Variants in ATP8B4 observed in about 807,000 individuals in gnomAD.
ATP8B4 encodes the protein ATPase phospholipid transporting 8B4 (putative).
A neutral mutation model predicts 145.6 loss-of-function variants in ATP8B4; 133 were observed. The observed-to-expected ratio is 0.91, with a 90% confidence interval of 0.79 to 1.05. The LOEUF (loss-of-function observed/expected upper bound fraction) is 1.05, where lower values mean the gene tolerates loss of function less well. Among genes scored for constraint, ATP8B4 ranks in the 50% least tolerant of loss-of-function variants. The pLI, the probability that ATP8B4 is intolerant of heterozygous loss-of-function variation, is 0.00. For missense variants in ATP8B4, 1,458 were observed against 1,425.2 expected (o/e 1.02, Z -0.37); for synonymous variants, 507 against 492.9 (o/e 1.03, Z -0.38).
At chr15:50,085,911 TTA>T (rs1436396650) in intron 2 of ATP8B4, among the ~76,000 whole-genome samples, 1 of 92,046 alleles carries the variant, frequency 1.1e-5, no homozygotes. Flanking sequence ...TCATATATAT[TTA>T]TATATGATAT....
chr15:49,912,116 T>A (rs1190423061), intron 20 of ATP8B4, among the ~76,000 whole-genome samples: 1 of 151,918 alleles, frequency 6.6e-6, no homozygotes, highest in Non-Finnish European at 1.5e-5. Context: ...ATGAAATGAC[T>A]GAAAGAACCC....
chr15:49,946,986 G>A (rs2153483930), intron 14 of ATP8B4, among the ~76,000 whole-genome samples: 1 of 152,288 alleles, frequency 6.6e-6, no homozygotes, highest in African/African-American at 2.4e-5. Context: ...TCACCTGCCA[G>A]GTAAAAGAAA....
At chr15:50,001,203 T>C (rs771082401) in intron 8 of ATP8B4, among the ~76,000 whole-genome samples, 4 of 152,130 alleles carry the variant, frequency 2.6e-5, no homozygotes, top group Non-Finnish European at 4.4e-5. Context: ...TCCTTTCTTA[T>C]GCTTCTTTGG....
rs553190819 is a variant in ATP8B4 at position 50,156,468 on chromosome 15, C to G, written c.-43+25793G>C. On this transcript the variant is annotated intron_variant, in intron 1 of 3. Coordinates refer to the ATP8B4 transcript ENST00000558829. ...CATAATGCTGCTGTAATTTGTAAAACCATTAATTTCAAAGCCATTTAATAC... is the reference window on the plus strand; with the variant it reads ...CATAATGCTGCTGTAATTTGTAAAAGCATTAATTTCAAAGCCATTTAATAC... 2.0e-5 allele frequency among the ~76,000 whole-genome samples: 3 copies of G among 152,112 alleles called. No homozygotes were observed. In the East Asian group the frequency reaches 5.8e-4, roughly 29 times the overall value.
rs565540412 is a variant in ATP8B4, at chr15:50,007,267, G to A, written c.435+3578C>T. Reference sequence around the variant, plus strand: ...GCTAGAAGTTATGCATCTGCACTGGGCACAACATATTTTCTGATCACTTGG... The same window carrying A: ...GCTAGAAGTTATGCATCTGCACTGGACACAACATATTTTCTGATCACTTGG... On this transcript the variant is annotated intron_variant, in intron 7 of 27. Coordinates refer to ENST00000284509, the MANE Select transcript of ATP8B4 (RefSeq NM_024837.4). Among the ~76,000 whole-genome samples the A allele has an allele frequency of 3.9e-5, 6 of 152,242 alleles. No homozygotes were observed. In the South Asian group the frequency reaches 1.2e-3, roughly 32 times the overall value.
At chr15:50,072,027 T>C (rs1322638351) in intron 3 of ATP8B4, among the ~76,000 whole-genome samples, 1 of 150,384 alleles carries the variant, frequency 6.6e-6, no homozygotes, top group Non-Finnish European at 1.5e-5. Flanking sequence ...TATTAATAAA[T>C]ATTAATAAAT....
Position 49,901,016 on chromosome 15 carries a change from T to C in ATP8B4, c.2289+76A>G, listed in dbSNP as rs2037965606. 6.0e-6 allele frequency: 9 copies of C among 1,500,488 alleles called. No individual in the cohort carries two copies. In the South Asian group the frequency reaches 1.0e-4, roughly 17 times the overall value. The allele number at this position is 1,500,488 out of a possible 1,614,324, so 92.9% of individuals were successfully genotyped here. ...ATTTGTCTGGAAAAGACAAAGGAGG[T>C]CTCATTATGATAGCACAAAAGAGAT... On this transcript the variant is annotated intron_variant, in intron 21 of 27. Transcript: ENST00000284509.
intron 17 of ATP8B4, among the ~76,000 whole-genome samples, chr15:49,923,149 G>T (rs181292402): frequency 6.6e-6 from 1 of 152,330 alleles, no homozygotes; most frequent in Admixed American, 6.5e-5. Context: ...CTCAGTTGCT[G>T]TGTGTTCCTC....
At chr15:49,987,795 C>T (rs1454977706) in intron 9 of ATP8B4, among the ~76,000 whole-genome samples, 1 of 149,858 alleles carries the variant, frequency 6.7e-6, no homozygotes, top group East Asian at 1.9e-4. Flanking sequence ...GAAACCTTAA[C>T]AGCCATGGGA....
chr15:50,016,287 T>C (rs938679909), intron 6 of ATP8B4, among the ~76,000 whole-genome samples: 1 of 152,172 alleles, frequency 6.6e-6, no homozygotes, highest in Non-Finnish European at 1.5e-5. Flanking sequence ...TGTGAATAGA[T>C]GGCTATAGAT....
In ATP8B4 at chr15:49,946,213, C is replaced by T. The variant is rs560587016; in HGVS notation, c.1288-12031G>A. 3.3e-5 allele frequency among the ~76,000 whole-genome samples: 5 copies of T among 152,236 alleles called. No individual in the cohort carries two copies. In the East Asian group the frequency reaches 9.6e-4, roughly 29 times the overall value. On this transcript the variant is annotated intron_variant, in intron 14 of 27. Transcript: ENST00000284509. ...CAGTTACATTTCTATATAGTAACAA[C>T]AAGCAACCCCCAAAAATGAAGAAAA...
chr15:50,150,225 A>G (rs2044330484), intron 1 of ATP8B4, among the ~76,000 whole-genome samples: 1 of 152,212 alleles, frequency 6.6e-6, no homozygotes, highest in Non-Finnish European at 1.5e-5. Context: ...TGTCCACATA[A>G]AAGTATTTTT....
intron 2 of ATP8B4, among the ~76,000 whole-genome samples, chr15:50,100,767 A>G (rs978984057): frequency 5.3e-5 from 8 of 152,210 alleles, no homozygotes; most frequent in Non-Finnish European, 1.5e-5. Flanking sequence ...ACTGTCAGGA[A>G]GCGAATGCAG....
chr15:50,110,922 A>C (rs1286480422), intron 1 of ATP8B4, among the ~76,000 whole-genome samples: 4 of 150,604 alleles, frequency 2.7e-5, no homozygotes, highest in Non-Finnish European at 5.9e-5. Context: ...TTTTTTTTAC[A>C]TTTCAAGTTT....
At chr15:49,918,793 C>A in intron 19 of ATP8B4, 46 bp downstream of exon 19, 2 of 1,391,138 alleles carry the variant, frequency 1.4e-6, no homozygotes, top group South Asian at 2.4e-5. Flanking sequence ...TGATATAAGT[C>A]ATCTCCCCAT....
chr15:50,046,337 C>T (rs1325549390), intron 4 of ATP8B4, among the ~76,000 whole-genome samples: 2 of 151,996 alleles, frequency 1.3e-5, no homozygotes, highest in Non-Finnish European at 2.9e-5. Context: ...TGAGTTGAAA[C>T]CAGGAAGCTG....
intron 1 of ATP8B4, among the ~76,000 whole-genome samples, chr15:50,135,091 A>C (rs2044103481): frequency 6.6e-6 from 1 of 152,224 alleles, no homozygotes; most frequent in African/African-American, 2.4e-5. Flanking sequence ...TAGAGCCTCA[A>C]AATCTAATCT....
At chr15:50,100,456 C>T (rs368331503) in intron 2 of ATP8B4, among the ~76,000 whole-genome samples, 3 of 152,156 alleles carry the variant, frequency 2.0e-5, no homozygotes, top group East Asian at 1.9e-4. Context: ...TATTAGAATA[C>T]ATATATTTTA....
upstream of ATP8B4, among the ~76,000 whole-genome samples, chr15:50,121,511 C>A (rs1470739363): frequency 6.6e-6 from 1 of 152,054 alleles, no homozygotes; most frequent in Admixed American, 6.6e-5. Context: ...GTATACCTAG[C>A]ACAACTTTTT....
Sources: gnomAD v4.1 joint callset for allele counts (sites outside exome capture counted in the v4.1 genomes callset) on GRCh38, gnomAD v4.1.1 for gene constraint, MANE v1.5 for transcripts, NCBI Gene and HGNC (gene_info 2026-07-23, HGNC 2026-07-21) for gene names.